The following DENND6B variants were observed in gnomAD, a reference collection of about 807,000 sequenced individuals.
The protein encoded by DENND6B is protein DENND6B.
DENND6B carries 73 observed loss-of-function variants against 85.1 expected under a neutral mutation model. That is an observed-to-expected ratio of 0.86 (90% CI 0.71 to 1.04). The LOEUF (loss-of-function observed/expected upper bound fraction) is 1.04, where lower values mean the gene tolerates loss of function less well. DENND6B is among the 50% of genes least tolerant of loss of function. DENND6B has a pLI of 0.00. For missense variants in DENND6B, 715 were observed against 785.8 expected (o/e 0.91, Z 1.08); for synonymous variants, 357 against 329.3 (o/e 1.08, Z -0.91).
intron 16 of DENND6B, 67 bp from the exon 17 acceptor site, chr22:50,313,175 C>A: frequency 1.4e-6 from 2 of 1,426,916 alleles, no homozygotes; most frequent in South Asian, 2.6e-5. Context: ...GGTACGCTTC[C>A]CAGACACACT....
intron 13 of DENND6B, 71 bp downstream of exon 13, chr22:50,314,136 C>G: frequency 6.6e-7 from 1 of 1,508,614 alleles, no homozygotes; most frequent in East Asian, 2.4e-5. Flanking sequence ...GCTGCCCCAC[C>G]CGAGAGACCC....
chr22:50,313,559 GCAGCCCC>G, intron 15 of DENND6B, 60 bp from the exon 16 acceptor site: 1 of 167,762 alleles, frequency 6.0e-6, no homozygotes, highest in Non-Finnish European at 9.2e-6. Flanking sequence ...CCCATCCCCC[GCAGCCCC>G]GTCCCCCCCA....
At chr22:50,317,211 C>T (rs2041879021) in intron 5 of DENND6B, 82 bp downstream of exon 5, 1 of 1,514,398 alleles carries the variant, frequency 6.6e-7, no homozygotes, top group Non-Finnish European at 9.0e-7. Flanking sequence ...GCTCAGGCCC[C>T]TTGCCCGCCC....
In DENND6B at chr22:50,316,426, A is replaced by G; in HGVS notation, c.503T>C (p.Leu168Pro). Residue 168 changes from leucine (L) to proline (P), a missense_variant, in exon 6 of 20, where the codon CTG (leucine) becomes CCG (proline). Transcript: ENST00000413817. ...RLPFVRLFQA[L>P]LSLIAPEYFD... ...GTACTCGGGGGCGATGAGGCTTAGC[A>G]GCGCTTGGAACAGCCGGACAAAGGG... The G allele has an allele frequency of 6.3e-7, 1 of 1,589,674 alleles. No individual in the cohort carries two copies. The highest frequency in any genetic ancestry group is 1.1e-5 in the South Asian group (1 of 87,466).
In DENND6B at chr22:50,318,886, T is replaced by A; in HGVS notation, c.220A>T (p.Ser74Cys). Residue 74 changes from serine to cysteine, a missense_variant, in exon 3 of 20, where the codon AGC becomes TGC. Coordinates refer to ENST00000413817, the MANE Select transcript of DENND6B (RefSeq NM_001001794.4). ...GGAAAAGACAGGTAGCAGATGCTGC[T>A]TTTCTGAAACATATAAAACCCCGGT... ...NDFRLTDKEK[S>C]SICYLSFPDS... 1 of 1,613,198 alleles carries A rather than the reference T, an allele frequency of 6.2e-7. No individual in the cohort carries two copies. The highest frequency in any genetic ancestry group is 1.7e-5 in the Admixed American group (1 of 59,954).
chr22:50,318,721 G>C, intron 3 of DENND6B, 126 bp downstream of exon 3: 1 of 1,379,672 alleles, frequency 7.2e-7, no homozygotes, highest in Non-Finnish European at 1.0e-6. Context: ...CATGGGGCTG[G>C]TGCTGCTCAC....
chr22:50,318,900 T>G lies in DENND6B; in HGVS notation c.217-11A>C. The G allele has an allele frequency of 6.2e-7, 1 of 1,612,722 alleles. No homozygotes were observed. The highest frequency in any genetic ancestry group is 8.5e-7 in the Non-Finnish European group (1 of 1,179,524). On this transcript the variant is annotated splice_polypyrimidine_tract_variant and intron_variant, in intron 2 of 19. Coordinates refer to ENST00000413817, the MANE Select transcript of DENND6B (RefSeq NM_001001794.4). ...GCAGATGCTGCTTTTCTGAAACATA[T>G]AAAACCCCGGTGAGGGCCGACCCAC... is the stretch of plus-strand genomic sequence containing the variant.
At chr22:50,318,762 G>A (rs1471475047) in intron 3 of DENND6B, 85 bp downstream of exon 3, 36 of 1,565,730 alleles carry the variant, frequency 2.3e-5, no homozygotes, top group African/African-American at 2.7e-5. Context: ...CGGGGCAGCC[G>A]AGGCAGCCAT....
At chr22:50,313,413 A>T (rs1601805908) in intron 16 of DENND6B, 33 bp downstream of exon 16, 1 of 1,540,454 alleles carries the variant, frequency 6.5e-7, no homozygotes, top group African/African-American at 1.4e-5. Context: ...CCCGCCCTCC[A>T]TGGACCCCAC....
At position 50,317,570 on chromosome 22, in the gene DENND6B, C is replaced by T. The variant is rs546846915; in HGVS notation, c.373-197G>A. ...GGTCCTGGGCTCAGAAGGTGGGCAACACCCCTGCTGATACAGCAGGGAGTC... is the reference window on the plus strand; with the variant it reads ...GGTCCTGGGCTCAGAAGGTGGGCAATACCCCTGCTGATACAGCAGGGAGTC... On this transcript the variant is annotated intron_variant, in intron 4 of 19. Transcript: ENST00000413817. Among the ~76,000 whole-genome samples, 178 of 152,228 alleles carry T rather than the reference C, an allele frequency of 1.2e-3. 3 individuals carry two copies. Among genetic ancestry groups the T allele is most frequent in the African/African-American group, 4.0e-3 (168 of 41,562 alleles).
intron 1 of DENND6B, 98 bp downstream of exon 1, chr22:50,326,714 G>A (rs1374802384): frequency 9.0e-7 from 1 of 1,114,038 alleles, no homozygotes; most frequent in Non-Finnish European, 1.2e-6. Flanking sequence ...GAAGGCCAGG[G>A]AGAGTGCGGG....
intron 1 of DENND6B, among the ~76,000 whole-genome samples, chr22:50,323,986 C>T (rs570769867): frequency 5.3e-5 from 8 of 152,272 alleles, no homozygotes; most frequent in African/African-American, 1.9e-4. Context: ...CCTCCTGCCT[C>T]GGCCTCCTAA....
chr22:50,314,798 C>T lies in DENND6B; in HGVS notation c.881+1G>A, dbSNP rs2041742260. On this transcript the variant is annotated splice_donor_variant, in intron 10 of 19. Transcript: ENST00000413817. LOFTEE classifies it high-confidence loss of function. ...CAGCCGGGACCGGGCCAAGGCGATACCTGGTCAAGGCCAGCACCATCTCCG... is the reference window on the plus strand; with the variant it reads ...CAGCCGGGACCGGGCCAAGGCGATATCTGGTCAAGGCCAGCACCATCTCCG... 1 of 1,604,556 alleles carries T rather than the reference C, an allele frequency of 6.2e-7. No homozygotes were observed. The highest frequency in any genetic ancestry group is 1.3e-5 in the African/African-American group (1 of 74,762).
intron 9 of DENND6B, among the ~76,000 whole-genome samples, chr22:50,315,341 G>A (rs1292390476): frequency 1.3e-5 from 2 of 152,206 alleles, no homozygotes; most frequent in Non-Finnish European, 2.9e-5. Flanking sequence ...TTGCAGACTT[G>A]TCCAGAGGCA....
In DENND6B at chr22:50,325,071, T is replaced by G. The variant is rs761129691; in HGVS notation, c.177+1741A>C. ...TGAGGGAGGAAAGGCAAGAGTCATG[T>G]GCTCAGGCCCCGGTGGATCCACTGC... is the stretch of plus-strand genomic sequence containing the variant. On this transcript the variant is annotated intron_variant, in intron 1 of 19. Coordinates refer to ENST00000413817, the MANE Select transcript of DENND6B (RefSeq NM_001001794.4). 8.9e-4 allele frequency among the ~76,000 whole-genome samples: 136 copies of G among 152,178 alleles called. 2 individuals are homozygous for G. Among genetic ancestry groups the G allele is most frequent in the Non-Finnish European group, 2.2e-4 (15 of 68,032 alleles).
intron 5 of DENND6B, chr22:50,316,895 A>G (rs867202850): frequency 7.2e-5 from 4 of 55,930 alleles, no homozygotes; most frequent in African/African-American, 3.6e-4. Flanking sequence ...CTTGGGTCCC[A>G]TGCCAGGCAA....
chr22:50,313,451 AG>A lies in DENND6B; in HGVS notation c.1341del (p.Trp448GlyfsTer60). On this transcript the variant is annotated frameshift_variant, in exon 16 of 20. Transcript: ENST00000413817. LOFTEE classifies it high-confidence loss of function. ...SLMPLQKSIT[P>X]WKTPPQIQPF... is the part of the protein sequence containing the mutation. ...AACCCCCACAGGACCCCCACCTTCC[AG>A]GGCGTGATGCTCTTCTGCAGGGGCA... 6.5e-7 allele frequency: 1 copy of A among 1,539,212 alleles called. No homozygotes were observed. Among genetic ancestry groups the A allele is most frequent in the Admixed American group, 2.0e-5 (1 of 49,280 alleles).
chr22:50,320,331 G>A (rs1257030746), intron 1 of DENND6B, among the ~76,000 whole-genome samples: 1 of 152,218 alleles, frequency 6.6e-6, no homozygotes, highest in Non-Finnish European at 1.5e-5. Flanking sequence ...CGATCCTCCC[G>A]CCTGAGCCTC....
intron 1 of DENND6B, among the ~76,000 whole-genome samples, chr22:50,321,614 G>C (rs1041307453): frequency 1.3e-5 from 2 of 151,982 alleles, no homozygotes; most frequent in Admixed American, 6.6e-5. Flanking sequence ...CACCCGCCTT[G>C]GCCTCCCAAA....
Sources: gnomAD v4.1 joint callset for allele counts (sites outside exome capture counted in the v4.1 genomes callset) on GRCh38, gnomAD v4.1.1 for gene constraint, MANE v1.5 for transcripts, NCBI Gene and HGNC (gene_info 2026-07-23, HGNC 2026-07-21) for gene names.